PLSCR1: variants seen among roughly 807,000 people sequenced by gnomAD.
The protein encoded by PLSCR1 is PL scramblase 1.
Under a neutral mutation model 37.8 loss-of-function variants are expected in PLSCR1, and 17 were observed. That is an observed-to-expected ratio of 0.45 (90% CI 0.31 to 0.68). The LOEUF is 0.68. Ranked by LOEUF, PLSCR1 falls within the 30% of genes least tolerant of loss-of-function variation. PLSCR1 has a pLI of 0.06. For missense variants in PLSCR1, 347 were observed against 380.9 expected (o/e 0.91, Z 0.74); for synonymous variants, 116 against 125.9 (o/e 0.92, Z 0.53).
In PLSCR1 at chr3:146,543,913, T is replaced by C. The variant is rs148151948; in HGVS notation, c.-14+554A>G. On this transcript the variant is annotated intron_variant, in intron 1 of 8. Coordinates refer to ENST00000342435, the MANE Select transcript of PLSCR1 (RefSeq NM_021105.3). ...CTGGAGCTAATGGTCTTAGGAACCG[T>C]GCTAGATACCGCCACTATCTTTCCT... Among the ~76,000 whole-genome samples the C allele has an allele frequency of 5.1e-3, 772 of 152,276 alleles. 7 individuals are homozygous for C. Among genetic ancestry groups the C allele is most frequent in the African/African-American group, 0.017 (699 of 41,566 alleles).
chr3:146,526,180 T>C (rs1412492224), intron 4 of PLSCR1, among the ~76,000 whole-genome samples: 4 of 55,990 alleles, frequency 7.1e-5, no homozygotes, highest in Non-Finnish European at 1.2e-4. Flanking sequence ...TGAGACTCCA[T>C]CTCAAAAAAA....
intron 3 of PLSCR1, among the ~76,000 whole-genome samples, chr3:146,531,969 T>C (rs1356893756): frequency 6.6e-6 from 1 of 152,188 alleles, no homozygotes; most frequent in Non-Finnish European, 1.5e-5. Flanking sequence ...ATTTACCTCA[T>C]AAGAGTATTC....
At chr3:146,531,064 T>C (rs1029186918) in intron 3 of PLSCR1, among the ~76,000 whole-genome samples, 1 of 152,178 alleles carries the variant, frequency 6.6e-6, no homozygotes, top group African/African-American at 2.4e-5. Context: ...CACGGTTTTA[T>C]GACTAGAGAT....
intron 3 of PLSCR1, among the ~76,000 whole-genome samples, chr3:146,532,414 T>A (rs2108654139): frequency 6.6e-6 from 1 of 152,306 alleles, no homozygotes; most frequent in Admixed American, 6.5e-5. Flanking sequence ...ATGATTTAAT[T>A]TTTCTGGAAT....
chr3:146,541,480 A>G (rs2044337687), intron 1 of PLSCR1, among the ~76,000 whole-genome samples: 1 of 152,238 alleles, frequency 6.6e-6, no homozygotes, highest in Non-Finnish European at 1.5e-5. Flanking sequence ...CCATAGAAAT[A>G]AAAGTGATTT....
chr3:146,516,416 C>A lies in PLSCR1; in HGVS notation c.901-315G>T, dbSNP rs576188901. 35 of 227,014 alleles carry A rather than the reference C, an allele frequency of 1.5e-4. No individual in the cohort carries two copies. The South Asian group carries it at 2.7e-3, about 17-fold the overall frequency. The allele number at this position is 227,014 out of a possible 1,614,324, so 14.1% of individuals were successfully genotyped here. A position where few individuals can be genotyped will look rare whatever the true frequency, so the allele number is the denominator to read the frequency against. On this transcript the variant is annotated intron_variant, in intron 8 of 8. Transcript: ENST00000342435. ...CATCTTTGGCTGCATACTGGAATCA[C>A]CTGGAACACTATATGAACTTCGAAG...
At chr3:146,520,309 G>A (rs1330711655) in intron 7 of PLSCR1, 1 of 152,062 alleles carries the variant, frequency 6.6e-6, no homozygotes, top group Admixed American at 6.6e-5. Context: ...TGTTTTTCCA[G>A]TGTTTTCATT....
chr3:146,537,407 C>A (rs2044279756), intron 1 of PLSCR1, among the ~76,000 whole-genome samples: 2 of 152,256 alleles, frequency 1.3e-5, no homozygotes, highest in South Asian at 2.1e-4. Flanking sequence ...CTTGGACCCA[C>A]ACACACTAAC....
At chr3:146,526,574 G>C (rs924844728) in intron 4 of PLSCR1, among the ~76,000 whole-genome samples, 1 of 152,008 alleles carries the variant, frequency 6.6e-6, no homozygotes, top group Non-Finnish European at 1.5e-5. Context: ...TATGTCAGAG[G>C]TATCTGCAAT....
rs145978415 is a variant in PLSCR1, at chr3:146,517,027, C to T, written c.879G>A (p.Met293Ile). Residue 293 changes from methionine (M) to isoleucine (I), a missense_variant, in exon 8 of 9, where the codon ATG (methionine) becomes ATA (isoleucine). By Grantham distance (10) the Met-to-Ile change is conservative. Transcript: ENST00000342435. ...LDLDVKMKAV[M>I]IGACFLIDFM... Reference sequence around the variant, plus strand: ...TTACAATGAGGAAACAGGCACCAATCATTACAGCTTTCATTTTAACATCAA... The same window carrying T: ...TTACAATGAGGAAACAGGCACCAATTATTACAGCTTTCATTTTAACATCAA... The T allele has an allele frequency of 2.1e-5, 33 of 1,596,348 alleles. No homozygotes were observed. The African/African-American group carries it at 4.5e-4, about 22-fold the overall frequency.
chr3:146,522,381 G>A (rs1237945864), intron 5 of PLSCR1, among the ~76,000 whole-genome samples: 1 of 152,106 alleles, frequency 6.6e-6, no homozygotes, highest in East Asian at 1.9e-4. Context: ...CTGTTAATCT[G>A]TAACCCTACC....
intron 2 of PLSCR1, among the ~76,000 whole-genome samples, chr3:146,534,626 A>G (rs1334041915): frequency 2.0e-5 from 3 of 151,814 alleles, no homozygotes; most frequent in Non-Finnish European, 4.4e-5. Flanking sequence ...AATCCAGTCC[A>G]TGGTGATTGT....
At position 146,528,829 on chromosome 3, in the gene PLSCR1, G is replaced by T. The variant is rs1231144316; in HGVS notation, c.97C>A (p.Pro33Thr). 5 of 1,608,590 alleles carry T rather than the reference G, an allele frequency of 3.1e-6. No individual in the cohort carries two copies. The South Asian group carries it at 5.5e-5, about 18-fold the overall frequency. Reference sequence around the variant, plus strand: ...CCAGGGTAGCCACTATATCCTGGAGGTCCTGAAATACAAACAAGTGAAATG... The same window carrying T: ...CCAGGGTAGCCACTATATCCTGGAGTTCCTGAAATACAAACAAGTGAAATG... ...PQYPPTAFQG[P>T]PGYSGYPGPQ... Residue 33 changes from proline to threonine, a missense_variant and splice_region_variant, in exon 4 of 9, where the codon CCT becomes ACT. Transcript: ENST00000342435.
In PLSCR1 at chr3:146,534,238, G is replaced by A. The variant is rs1192948478; in HGVS notation, c.14-688C>T. 5.3e-5 allele frequency among the ~76,000 whole-genome samples: 8 copies of A among 152,156 alleles called. No individual in the cohort carries two copies. In the East Asian group the frequency reaches 1.4e-3, roughly 26 times the overall value. On this transcript the variant is annotated intron_variant, in intron 2 of 8. Transcript: ENST00000342435. ...CTATCTAGTCATTCGGTTACCTACC[G>A]CAGCCAGTCTCTAAATATTTACTGA...
intron 1 of PLSCR1, among the ~76,000 whole-genome samples, chr3:146,543,840 CCACAG>C (rs990310959): frequency 6.6e-5 from 10 of 152,282 alleles, no homozygotes; most frequent in African/African-American, 9.6e-5. Context: ...GGCTGACAGT[CCACAG>C]ACGTGAAGCA....
chr3:146,524,122 T>C (rs1466828136), intron 5 of PLSCR1, among the ~76,000 whole-genome samples: 1 of 152,164 alleles, frequency 6.6e-6, no homozygotes, highest in Non-Finnish European at 1.5e-5. Context: ...AAATGTTTGA[T>C]GAGAAAAAAG....
chr3:146,536,056 ACTTAGAATTTT>A (rs1400386500), intron 2 of PLSCR1, among the ~76,000 whole-genome samples: 1 of 152,136 alleles, frequency 6.6e-6, no homozygotes, highest in Admixed American at 6.5e-5. Flanking sequence ...TATCCATCTT[ACTTAGAATTTT>A]CTTGAGAGAA....
rs115263156 is a variant in PLSCR1, at chr3:146,525,738, A to C, written c.313-91T>G. 2.4e-3 allele frequency: 1,505 copies of C among 615,004 alleles called. 24 individuals carry two copies. The African/African-American group carries it at 0.025, about 10-fold the overall frequency. 38.1% of individuals were successfully genotyped at this position (615,004 alleles called of 1,614,324 possible). ...TTAAAATTCATGTATTTATATTTTT[A>C]AAGTACATGTAACCAATTATCAATA... On this transcript the variant is annotated intron_variant, in intron 4 of 8. Transcript: ENST00000342435.
chr3:146,522,195 A>G, intron 5 of PLSCR1, 142 bp from the exon 6 acceptor site: 1 of 636,498 alleles, frequency 1.6e-6, no homozygotes, highest in Non-Finnish European at 2.8e-6. Flanking sequence ...TTTAGAGATG[A>G]TCCAGACAGA....
Sources: allele counts gnomAD v4.1 joint callset (sites outside exome capture counted in the v4.1 genomes callset), GRCh38; gene constraint gnomAD v4.1.1; transcripts MANE v1.5; gene names NCBI Gene and HGNC (gene_info 2026-07-23, HGNC 2026-07-21).